Variants in HS3ST5 observed in about 807,000 individuals in gnomAD.
HS3ST5 encodes heparan sulfate glucosamine 3-O-sulfotransferase 5.
HS3ST5 carries 10 observed loss-of-function variants against 25.4 expected under a neutral mutation model. The ratio of observed to expected loss-of-function variants is 0.39; its 90% CI spans 0.24 to 0.67. The LOEUF is 0.67. Ranked by LOEUF, HS3ST5 falls within the 30% of genes least tolerant of loss-of-function variation. The probability of loss-of-function intolerance (pLI) is 0.44; values close to 1 mark genes in which losing one functional copy is unlikely to be tolerated. For missense variants in HS3ST5, 324 were observed against 420.7 expected (o/e 0.77, Z 2.01); for synonymous variants, 170 against 162.4 (o/e 1.05, Z -0.36).
chr6:114,311,681 T>G (rs1340958498), intron 1 of HS3ST5, among the ~76,000 whole-genome samples: 5 of 151,318 alleles, frequency 3.3e-5, no homozygotes, highest in African/African-American at 1.2e-4. Context: ...TAGCTGAGAC[T>G]ACAGGCACGC....
intron 3 of HS3ST5, among the ~76,000 whole-genome samples, chr6:114,085,225 C>G (rs192337830): frequency 6.6e-6 from 1 of 152,302 alleles, no homozygotes; most frequent in Admixed American, 6.5e-5. Context: ...TCACTCTTGA[C>G]TGTTCATTTT....
At chr6:114,336,264 C>A (rs537337981) in intron 1 of HS3ST5, among the ~76,000 whole-genome samples, 29 of 152,286 alleles carry the variant, frequency 1.9e-4, no homozygotes, top group African/African-American at 6.5e-4. Context: ...CATAGATTAT[C>A]ATATGGATAT....
chr6:114,260,701 TCTACGCTAAATG>T lies in HS3ST5; in HGVS notation c.-338-31935_-338-31924del, dbSNP rs369450134. On this transcript the variant is annotated intron_variant, in intron 1 of 4. Coordinates refer to ENST00000312719, the MANE Select transcript of HS3ST5 (RefSeq NM_153612.4). ...TAAAAACAAATACTTGAAGCCATCC[TCTACGCTAAATG>T]CTAGGTTGACCTGAGAAGGCAGGTG... 2.4e-3 allele frequency among the ~76,000 whole-genome samples: 370 copies of T among 152,338 alleles called. 1 individual carries two copies. Among genetic ancestry groups the T allele is most frequent in the African/African-American group, 8.5e-3 (355 of 41,584 alleles).
chr6:114,112,934 C>T (rs1440996103), intron 3 of HS3ST5, among the ~76,000 whole-genome samples: 1 of 152,184 alleles, frequency 6.6e-6, no homozygotes, highest in Non-Finnish European at 1.5e-5. Context: ...TGTCCATGAG[C>T]CAATTGAAAG....
chr6:114,227,419 T>C (rs1239677452), intron 2 of HS3ST5, among the ~76,000 whole-genome samples: 1 of 151,810 alleles, frequency 6.6e-6, no homozygotes, highest in African/African-American at 2.4e-5. Flanking sequence ...TAATATCTTA[T>C]TGAACCTTTA....
intron 1 of HS3ST5, among the ~76,000 whole-genome samples, chr6:114,257,854 A>G (rs953130911): frequency 6.6e-5 from 10 of 152,022 alleles, no homozygotes; most frequent in Non-Finnish European, 1.5e-4. Flanking sequence ...CTCTTGCCTC[A>G]TCCTCCTGAA....
intron 2 of HS3ST5, among the ~76,000 whole-genome samples, chr6:114,214,349 A>G (rs1261273727): frequency 6.6e-6 from 1 of 152,192 alleles, no homozygotes; most frequent in African/African-American, 2.4e-5. Flanking sequence ...CCAGGAGCCA[A>G]TTCAGGATCC....
At chr6:114,240,597 G>A (rs1420468883) in intron 1 of HS3ST5, among the ~76,000 whole-genome samples, 1 of 152,140 alleles carries the variant, frequency 6.6e-6, no homozygotes, top group Non-Finnish European at 1.5e-5. Flanking sequence ...AAAAACTGCA[G>A]TAGATGCACA....
At chr6:114,084,393 A>G (rs1774651302) in intron 3 of HS3ST5, 3 of 755,670 alleles carry the variant, frequency 4.0e-6, no homozygotes, top group African/African-American at 1.7e-5. Flanking sequence ...CCTCGGTCAC[A>G]GCATTTTCAG....
intron 1 of HS3ST5, among the ~76,000 whole-genome samples, chr6:114,260,142 A>T (rs984411257): frequency 3.9e-5 from 6 of 152,172 alleles, no homozygotes; most frequent in South Asian, 4.1e-4. Flanking sequence ...AATAAATTCA[A>T]TATCATAATG....
intron 2 of HS3ST5, among the ~76,000 whole-genome samples, chr6:114,171,984 A>G (rs1005575753): frequency 6.6e-6 from 1 of 152,196 alleles, no homozygotes; most frequent in Non-Finnish European, 1.5e-5. Flanking sequence ...TATTAAAACC[A>G]GGGCTTTCTA....
chr6:114,317,969 G>A (rs146869824), intron 1 of HS3ST5, among the ~76,000 whole-genome samples: 123 of 152,128 alleles, frequency 8.1e-4, no homozygotes, highest in African/African-American at 2.9e-3. Context: ...TCAAATTAGG[G>A]TACTTTAGTA....
chr6:114,101,737 G>T lies in HS3ST5; in HGVS notation c.-32-38860C>A, dbSNP rs1255390204. ...GGAATAGAAATTATTCTGCCATAAA[G>T]ACACATGCACACGTGTGTTCATCAC... is the stretch of plus-strand genomic sequence containing the variant. On this transcript the variant is annotated intron_variant, in intron 3 of 4. Transcript: ENST00000312719. 3.9e-5 allele frequency among the ~76,000 whole-genome samples: 6 copies of T among 152,150 alleles called. No homozygotes were observed. In the East Asian group the frequency reaches 1.2e-3, roughly 29 times the overall value.
At chr6:114,096,830 G>A (rs891436128) in intron 3 of HS3ST5, among the ~76,000 whole-genome samples, 40 of 152,032 alleles carry the variant, frequency 2.6e-4, no homozygotes, top group African/African-American at 9.7e-4. Context: ...GAATAAAAAT[G>A]CTCTGTAATT....
intron 3 of HS3ST5, among the ~76,000 whole-genome samples, chr6:114,080,056 C>T (rs926748976): frequency 1.3e-5 from 2 of 152,118 alleles, no homozygotes; most frequent in East Asian, 1.9e-4. Flanking sequence ...GGATTATAGG[C>T]GTGAGCCACC....
At position 114,333,448 on chromosome 6, in the gene HS3ST5, T is replaced by C. The variant is rs376102559; in HGVS notation, c.-339+8747A>G. ...TGATCTTTTTGTTGGTAGTATACAG[T>C]TGGAAGCCCTTATTTAAAGAATGCT... On this transcript the variant is annotated intron_variant, in intron 1 of 4. Transcript: ENST00000312719. 2.2e-4 allele frequency among the ~76,000 whole-genome samples: 33 copies of C among 152,250 alleles called. 1 individual carries two copies. The South Asian group carries it at 6.6e-3, about 31-fold the overall frequency.
chr6:114,084,836 T>C (rs1774704775), intron 3 of HS3ST5: 5 of 477,542 alleles, frequency 1.0e-5, no homozygotes, highest in Non-Finnish European at 1.9e-5. Context: ...TTCTTTTCTT[T>C]TTTTTTTTTT....
intron 1 of HS3ST5, among the ~76,000 whole-genome samples, chr6:114,255,948 A>G (rs1772889210): frequency 6.6e-6 from 1 of 152,204 alleles, no homozygotes. Context: ...ACTCCTCATT[A>G]CTTATGCAAA....
intron 1 of HS3ST5, among the ~76,000 whole-genome samples, chr6:114,235,232 T>A (rs559130956): frequency 1.3e-5 from 2 of 152,288 alleles, no homozygotes; most frequent in Admixed American, 6.5e-5. Flanking sequence ...CAATACTGCA[T>A]AAAATGGTAA....
Sources: gnomAD v4.1 joint callset for allele counts (sites outside exome capture counted in the v4.1 genomes callset) on GRCh38, gnomAD v4.1.1 for gene constraint, MANE v1.5 for transcripts, NCBI Gene and HGNC (gene_info 2026-07-23, HGNC 2026-07-21) for gene names.